Variants in CKMT2 observed in about 807,000 individuals in gnomAD.
CKMT2 encodes creatine kinase, mitochondrial 2.
CKMT2 carries 43 observed loss-of-function variants against 48.9 expected under a neutral mutation model. The observed-to-expected ratio is 0.88, with a 90% CI of 0.69 to 1.13. The LOEUF (loss-of-function observed/expected upper bound fraction) is 1.13. Ranked by LOEUF, CKMT2 falls within the 50% of genes most tolerant of loss-of-function variation. The pLI, the probability that CKMT2 is intolerant of heterozygous loss-of-function variation, is 0.00. For missense variants in CKMT2, 472 were observed against 555.4 expected (o/e 0.85, Z 1.51); for synonymous variants, 206 against 213.0 (o/e 0.97, Z 0.29).
In CKMT2 at chr5:81,252,709, A is replaced by G; in HGVS notation, c.167A>G (p.Asp56Gly). 6.2e-7 allele frequency: 1 copy of G among 1,614,094 alleles called. No homozygotes were observed. The highest frequency in any genetic ancestry group is 8.5e-7 in the Non-Finnish European group (1 of 1,180,006). Reference sequence around the variant, plus strand: ...TCCCCACACAGCGCAGACTACCCAGACCTGCGCAAGCACAACAACTGCATG... The same window carrying G: ...TCCCCACACAGCGCAGACTACCCAGGCCTGCGCAAGCACAACAACTGCATG... ...RLFPPSADYP[D>G]LRKHNNCMAE... Residue 56 changes from aspartate to glycine, a missense_variant, in exon 3 of 10, where the codon GAC becomes GGC. Transcript: ENST00000254035.
intron 8 of CKMT2, among the ~76,000 whole-genome samples, chr5:81,262,351 T>G (rs553717368): frequency 6.6e-6 from 1 of 151,928 alleles, no homozygotes; most frequent in Admixed American, 6.6e-5. Flanking sequence ...TGGGATCTAA[T>G]TAAAGAGCTT....
intron 1 of CKMT2, among the ~76,000 whole-genome samples, chr5:81,243,198 G>A (rs1756495372): frequency 6.6e-6 from 1 of 152,152 alleles, no homozygotes; most frequent in South Asian, 2.1e-4. Context: ...AGAGATATGT[G>A]GCACTGAGTT....
At chr5:81,247,332 A>G (rs545168360) in intron 1 of CKMT2, among the ~76,000 whole-genome samples, 1 of 152,356 alleles carries the variant, frequency 6.6e-6, no homozygotes, top group East Asian at 1.9e-4. Context: ...AGGCAAAACC[A>G]ATACTATCTG....
chr5:81,258,664 G>C lies in CKMT2; in HGVS notation c.880-456G>C, dbSNP rs141734343. On this transcript the variant is annotated intron_variant, in intron 7 of 9. Transcript: ENST00000254035. ...GGTGGGTAAGCCAGCATTACTACCT[G>C]AGTTCTGCCTCCTGTCAGATCAGCA... Among the ~76,000 whole-genome samples, 368 of 152,224 alleles carry C rather than the reference G, an allele frequency of 2.4e-3. 1 individual carries two copies. Among genetic ancestry groups the C allele is most frequent in the Admixed American group, 4.1e-3 (63 of 15,292 alleles).
intron 8 of CKMT2, among the ~76,000 whole-genome samples, chr5:81,259,939 C>T (rs961642983): frequency 3.9e-5 from 6 of 152,172 alleles, no homozygotes; most frequent in South Asian, 2.1e-4. Context: ...AGCATCACAT[C>T]GCACTTATTG....
chr5:81,257,172 G>C (rs533829442), intron 6 of CKMT2, among the ~76,000 whole-genome samples, 172 bp downstream of exon 6: 1 of 120,842 alleles, frequency 8.3e-6, no homozygotes, highest in African/African-American at 3.0e-5. Context: ...GTGTGTGTGT[G>C]TGTGTGTGTG....
At chr5:81,255,316 G>C (rs1756966732) in intron 5 of CKMT2, 102 bp downstream of exon 5, 1 of 1,040,554 alleles carries the variant, frequency 9.6e-7, no homozygotes, top group Non-Finnish European at 1.4e-6. Flanking sequence ...ACCCTAGCTG[G>C]GAGCTTGCTG....
intron 5 of CKMT2, among the ~76,000 whole-genome samples, chr5:81,256,700 C>T (rs772026357): frequency 3.9e-5 from 6 of 152,174 alleles, no homozygotes; most frequent in Non-Finnish European, 5.9e-5. Context: ...GTTTTTAAAA[C>T]GTCCTGATGC....
rs566042807 is a variant in CKMT2, at chr5:81,253,959, A to G, written c.352-437A>G. The stretch of plus-strand genomic sequence containing the variant: ...CAGGTTTTCAACAAATTTCATATGT[A>G]GCTTAATATTTAGAATCTGACTTTC... On this transcript the variant is annotated intron_variant, in intron 3 of 9. Coordinates refer to ENST00000254035, the MANE Select transcript of CKMT2 (RefSeq NM_001099735.2). Among the ~76,000 whole-genome samples, 21 of 152,344 alleles carry G rather than the reference A, an allele frequency of 1.4e-4. No homozygotes were observed. The South Asian group carries it at 4.3e-3, about 32-fold the overall frequency.
In CKMT2 at chr5:81,263,486, C is replaced by T. The variant is rs1485927530; in HGVS notation, c.1015-5C>T. The stretch of plus-strand genomic sequence containing the variant: ...GCACATTTAAGTATTATCCCTTTGT[C>T]CTAGGACCCACGCTTTTCTAAGATC... On this transcript the variant is annotated splice_region_variant and splice_polypyrimidine_tract_variant and intron_variant, in intron 8 of 9. Coordinates refer to ENST00000254035, the MANE Select transcript of CKMT2 (RefSeq NM_001099735.2). 6.2e-7 allele frequency: 1 copy of T among 1,611,160 alleles called. No homozygotes were observed. Among genetic ancestry groups the T allele is most frequent in the Non-Finnish European group, 8.5e-7 (1 of 1,178,304 alleles).
chr5:81,244,219 C>A, intron 1 of CKMT2: 1 of 982,606 alleles, frequency 1.0e-6, no homozygotes, highest in Non-Finnish European at 1.2e-6. Context: ...AAGTTCCTTA[C>A]TGTAATGCAT....
At position 81,251,207 on chromosome 5, in the gene CKMT2, C is replaced by A. The variant is rs762822517; in HGVS notation, c.75C>A (p.Val25=). ...SLLFATMGTS[V]LTTGYLLNRQ... Reference sequence around the variant, plus strand: ...TGTTTGCTACCATGGGCACCAGTGTCCTGACCACCGGGTACCTGCTGAACC... The same window carrying A: ...TGTTTGCTACCATGGGCACCAGTGTACTGACCACCGGGTACCTGCTGAACC... Residue 25 remains valine, a synonymous_variant, in exon 2 of 10, where the codon GTC becomes GTA. Coordinates refer to ENST00000254035, the MANE Select transcript of CKMT2 (RefSeq NM_001099735.2). The A allele has an allele frequency of 1.2e-6, 2 of 1,614,038 alleles. No homozygotes were observed. Among genetic ancestry groups the A allele is most frequent in the African/African-American group, 2.7e-5 (2 of 74,900 alleles).
At chr5:81,235,601 G>A (rs578103766) in intron 1 of CKMT2, among the ~76,000 whole-genome samples, 5 of 152,186 alleles carry the variant, frequency 3.3e-5, no homozygotes, top group South Asian at 2.1e-4. Context: ...CAGGGGGCTC[G>A]GGCTGGAGGC....
intron 1 of CKMT2, among the ~76,000 whole-genome samples, chr5:81,241,497 CA>C (rs1756432300): frequency 6.6e-6 from 1 of 152,188 alleles, no homozygotes; most frequent in African/African-American, 2.4e-5. Flanking sequence ...CCCTACCTCC[CA>C]CTGTCAGTGG....
chr5:81,235,491 TGAG>T (rs1223170103), intron 1 of CKMT2, among the ~76,000 whole-genome samples: 1 of 152,198 alleles, frequency 6.6e-6, no homozygotes, highest in African/African-American at 2.4e-5. Context: ...GCCCTCTGGC[TGAG>T]GAGTTCAGAC....
intron 1 of CKMT2, among the ~76,000 whole-genome samples, chr5:81,243,377 C>G (rs2112788551): frequency 6.6e-6 from 1 of 152,202 alleles, no homozygotes; most frequent in East Asian, 1.9e-4. Context: ...AGATGGACAA[C>G]AGAGTCCAAA....
intron 1 of CKMT2, among the ~76,000 whole-genome samples, chr5:81,240,155 G>A (rs1422026588): frequency 6.6e-6 from 1 of 152,116 alleles, no homozygotes; most frequent in Admixed American, 6.5e-5. Context: ...CTGGAAGCCT[G>A]TAGTGAGTGG....
rs1011647593 is a variant in CKMT2 at position 81,257,846 on chromosome 5, G to A, written c.869G>A (p.Gly290Glu). Residue 290 changes from glycine to glutamate, a missense_variant, in exon 7 of 10, where the codon GGA becomes GAA. Physicochemically the swap from Gly to Glu is moderately conservative, Grantham distance 98. Transcript: ENST00000254035. Reference protein sequence around the residue: ...MKRVFERFCRGLKEVERLIQE... With the variant: ...MKRVFERFCRELKEVERLIQE... ...CGAGTATTTGAGCGATTCTGTCGTG[G>A]ACTAAAAGAAGTAAGATGTTATCTG... The A allele has an allele frequency of 1.9e-6, 3 of 1,612,448 alleles. No homozygotes were observed. Among genetic ancestry groups the A allele is most frequent in the Admixed American group, 1.7e-5 (1 of 59,612 alleles).
At chr5:81,234,754 G>T (rs556487576) in intron 1 of CKMT2, among the ~76,000 whole-genome samples, 1 of 152,132 alleles carries the variant, frequency 6.6e-6, no homozygotes, top group Non-Finnish European at 1.5e-5. Context: ...GGTTGGGTCG[G>T]GGGGAGTACC....
Sources: gnomAD v4.1 joint callset for allele counts (sites outside exome capture counted in the v4.1 genomes callset) on GRCh38, gnomAD v4.1.1 for gene constraint, MANE v1.5 for transcripts, NCBI Gene and HGNC (gene_info 2026-07-23, HGNC 2026-07-21) for gene names.